The following MFHAS1 variants were observed in gnomAD, a reference collection of about 807,000 sequenced individuals.
MFHAS1 encodes the protein multifunctional ROCO family signaling regulator 1.
MFHAS1 carries 50 observed loss-of-function variants against 70.4 expected under a neutral mutation model. That is an observed-to-expected ratio of 0.71 (90% CI 0.57 to 0.90). The LOEUF is 0.90. Among genes scored for constraint, MFHAS1 ranks in the 40% least tolerant of loss-of-function variants. The pLI is 0.00. For missense variants in MFHAS1, 1,795 were observed against 1,347.6 expected (o/e 1.33, Z -5.20); for synonymous variants, 952 against 620.0 (o/e 1.54, Z -7.96).
At chr8:8,874,526 G>C (rs993020512) in intron 1 of MFHAS1, among the ~76,000 whole-genome samples, 2 of 152,126 alleles carry the variant, frequency 1.3e-5, no homozygotes, top group South Asian at 4.1e-4. Flanking sequence ...ATTTTCCCTG[G>C]AAGAAATCAG....
chr8:8,797,364 C>T lies in MFHAS1; in HGVS notation c.3125+1G>A. 6.2e-7 allele frequency: 1 copy of T among 1,613,818 alleles called. No individual in the cohort carries two copies. The highest frequency in any genetic ancestry group is 8.5e-7 in the Non-Finnish European group (1 of 1,179,836). Reference sequence around the variant, plus strand: ...GGGCCAGAGGGACTTTGAGAACTCACTTGGAACAGGGGCTGATCACAGTCG... The same window carrying T: ...GGGCCAGAGGGACTTTGAGAACTCATTTGGAACAGGGGCTGATCACAGTCG... On this transcript the variant is annotated splice_donor_variant, in intron 2 of 2. Coordinates refer to ENST00000276282, the MANE Select transcript of MFHAS1 (RefSeq NM_004225.3). LOFTEE classifies it high-confidence loss of function.
intron 1 of MFHAS1, among the ~76,000 whole-genome samples, chr8:8,805,247 C>T (rs1395510921): frequency 6.6e-6 from 1 of 152,158 alleles, no homozygotes; most frequent in Non-Finnish European, 1.5e-5. Context: ...CTTGAACAAT[C>T]AACACCCCAA....
At chr8:8,828,709 T>G (rs540031835) in intron 1 of MFHAS1, among the ~76,000 whole-genome samples, 3 of 152,360 alleles carry the variant, frequency 2.0e-5, no homozygotes, top group African/African-American at 4.8e-5. Context: ...CACTCTGTAA[T>G]GCGGGCAAGG....
chr8:8,893,160 C>G lies in MFHAS1; in HGVS notation c.-102G>C, dbSNP rs372812955. ...CGGCTCCTGCCCCTGCCTGCCCTCC[C>G]GCGCTCGGCGGCCGGCGGCCGCGGG... On this transcript the variant is annotated 5_prime_UTR_variant, in exon 1 of 3. Coordinates refer to ENST00000276282, the MANE Select transcript of MFHAS1 (RefSeq NM_004225.3). 1.7e-5 allele frequency: 13 copies of G among 746,284 alleles called. No homozygotes were observed. The Admixed American group carries it at 3.2e-4, about 19-fold the overall frequency. 46.2% of individuals were successfully genotyped at this position (746,284 alleles called of 1,614,324 possible).
chr8:8,888,216 C>CT (rs1253502129), intron 1 of MFHAS1, among the ~76,000 whole-genome samples: 3 of 152,116 alleles, frequency 2.0e-5, no homozygotes, highest in Non-Finnish European at 2.9e-5. Flanking sequence ...AATACGCTGG[C>CT]TTTTTTCATG....
intron 1 of MFHAS1, among the ~76,000 whole-genome samples, chr8:8,860,225 C>A (rs1016054414): frequency 6.6e-6 from 1 of 152,202 alleles, no homozygotes; most frequent in Non-Finnish European, 1.5e-5. Flanking sequence ...ATCCCACTCA[C>A]ACGACAGCCC....
At chr8:8,799,063 A>T (rs1485140265) in intron 1 of MFHAS1, among the ~76,000 whole-genome samples, 1 of 151,988 alleles carries the variant, frequency 6.6e-6, no homozygotes, top group Admixed American at 6.5e-5. Context: ...CAACAAAAAA[A>T]AAAAAAGAAA....
intron 1 of MFHAS1, among the ~76,000 whole-genome samples, chr8:8,882,256 G>T (rs1809554888): frequency 6.6e-6 from 1 of 152,132 alleles, no homozygotes. Context: ...TGGGGGTGGT[G>T]GTATGTGCCT....
chr8:8,838,219 C>G (rs919252833), intron 1 of MFHAS1, among the ~76,000 whole-genome samples: 2 of 152,116 alleles, frequency 1.3e-5, no homozygotes, highest in Non-Finnish European at 2.9e-5. Flanking sequence ...TCTATAGTGA[C>G]AAAAAGCCCA....
intron 1 of MFHAS1, among the ~76,000 whole-genome samples, chr8:8,889,576 C>A (rs190080181): frequency 6.6e-6 from 1 of 152,108 alleles, no homozygotes; most frequent in Non-Finnish European, 1.5e-5. Context: ...TCTCATGCAC[C>A]CCACAAATAT....
intron 1 of MFHAS1, among the ~76,000 whole-genome samples, chr8:8,865,294 A>G (rs1265248115): frequency 2.0e-5 from 3 of 151,682 alleles, no homozygotes; most frequent in South Asian, 2.1e-4. Context: ...AAAAAAAAAA[A>G]AAAAAAGAAA....
intron 1 of MFHAS1, among the ~76,000 whole-genome samples, chr8:8,871,191 C>G (rs1183591116): frequency 6.6e-6 from 1 of 152,172 alleles, no homozygotes; most frequent in African/African-American, 2.4e-5. Context: ...TGTCTCCACT[C>G]CTCATCTGTA....
chr8:8,859,729 T>C (rs1445942073), intron 1 of MFHAS1, among the ~76,000 whole-genome samples: 2 of 152,212 alleles, frequency 1.3e-5, no homozygotes, highest in Non-Finnish European at 2.9e-5. Flanking sequence ...ATCTAATATC[T>C]ATAATGTACA....
intron 1 of MFHAS1, among the ~76,000 whole-genome samples, chr8:8,812,510 G>C (rs1005519523): frequency 6.6e-6 from 1 of 152,188 alleles, no homozygotes; most frequent in Non-Finnish European, 1.5e-5. Flanking sequence ...GACAGGGCTT[G>C]CCTCCTTCAT....
At chr8:8,850,618 G>T (rs1808208208) in intron 1 of MFHAS1, among the ~76,000 whole-genome samples, 1 of 152,012 alleles carries the variant, frequency 6.6e-6, no homozygotes, top group Non-Finnish European at 1.5e-5. Context: ...AAGCCAGGTG[G>T]ATCACTAAGG....
intron 1 of MFHAS1, among the ~76,000 whole-genome samples, chr8:8,878,762 T>A (rs1268815339): frequency 6.6e-6 from 1 of 152,102 alleles, no homozygotes; most frequent in Non-Finnish European, 1.5e-5. Context: ...TCACTACTGC[T>A]ATAACCTAGT....
At chr8:8,853,327 G>A (rs1343672734) in intron 1 of MFHAS1, among the ~76,000 whole-genome samples, 1 of 151,954 alleles carries the variant, frequency 6.6e-6, no homozygotes, top group East Asian at 1.9e-4. Context: ...TCTACCTTTT[G>A]GGAATAAAAA....
At chr8:8,884,503 G>A (rs866553828) in intron 1 of MFHAS1, among the ~76,000 whole-genome samples, 3 of 152,290 alleles carry the variant, frequency 2.0e-5, no homozygotes, top group Middle Eastern at 3.4e-3. Flanking sequence ...CTTTGCTTCA[G>A]TGGTCAAAAT....
chr8:8,869,453 G>T (rs1337361163), intron 1 of MFHAS1, among the ~76,000 whole-genome samples: 3 of 152,094 alleles, frequency 2.0e-5, no homozygotes, highest in Non-Finnish European at 4.4e-5. Flanking sequence ...GCGGTGACAG[G>T]TTACTAGATA....
Sources: allele counts gnomAD v4.1 joint callset (sites outside exome capture counted in the v4.1 genomes callset), GRCh38; gene constraint gnomAD v4.1.1; transcripts MANE v1.5; gene names NCBI Gene and HGNC (gene_info 2026-07-23, HGNC 2026-07-21).